The following DNAH5 variants were observed in gnomAD, a reference collection of about 807,000 sequenced individuals.
DNAH5 encodes dynein axonemal heavy chain 5.
DNAH5 carries 372 observed loss-of-function variants against 518.2 expected under a neutral mutation model. The observed-to-expected ratio is 0.72, with a 90% CI of 0.66 to 0.78. DNAH5 has a LOEUF of 0.78. Ranked by LOEUF, DNAH5 falls within the 30% of genes least tolerant of loss-of-function variation. DNAH5 has a pLI of 0.00. For synonymous variants in DNAH5, 2,039 were observed against 2,025.9 expected (o/e 1.01, Z -0.17); for missense variants, 5,523 against 5,687.0 (o/e 0.97, Z 0.93).
At chr5:13,980,933 T>G (rs563707313) in intron 1 of DNAH5, among the ~76,000 whole-genome samples, 1 of 152,356 alleles carries the variant, frequency 6.6e-6, no homozygotes, top group Admixed American at 6.5e-5. Context: ...TGGAACTCCA[T>G]GTACCAGATA....
Position 13,775,768 on chromosome 5 carries a change from C to T in DNAH5, c.9373+671G>A, listed in dbSNP as rs141228864. On this transcript the variant is annotated intron_variant, in intron 55 of 78. Coordinates refer to ENST00000265104, the MANE Select transcript of DNAH5 (RefSeq NM_001369.3). ...TCCAGAATGCTTCCTCCGGCAACCC[C>T]CATCTACTTTTCACTGTTTTATCTA... Among the ~76,000 whole-genome samples, 224 of 152,194 alleles carry T rather than the reference C, an allele frequency of 1.5e-3. 1 individual carries two copies. Among genetic ancestry groups the T allele is most frequent in the African/African-American group, 4.8e-3 (201 of 41,528 alleles).
At chr5:13,791,051 G>A (rs958867432) in intron 50 of DNAH5, among the ~76,000 whole-genome samples, 1 of 151,864 alleles carries the variant, frequency 6.6e-6, no homozygotes, top group African/African-American at 2.4e-5. Flanking sequence ...AAACCTTCAC[G>A]TGTACCCCCA....
At chr5:13,841,196 A>G (rs1418388194) in intron 33 of DNAH5, 66 bp from the exon 34 acceptor site, 2 of 1,266,210 alleles carry the variant, frequency 1.6e-6, no homozygotes, top group Non-Finnish European at 2.3e-6. Context: ...TAGAAATACA[A>G]TGTGATCAAC....
At chr5:13,713,446 TATATATATATATATATATATAC>T (rs1195640553) in intron 75 of DNAH5, among the ~76,000 whole-genome samples, 8 of 126,066 alleles carry the variant, frequency 6.3e-5, no homozygotes, top group Admixed American at 2.4e-4. Context: ...TATATATATA[TATATATATATATATATATATAC>T]ACACACCGAT....
chr5:13,971,072 A>G (rs898915218), intron 1 of DNAH5, among the ~76,000 whole-genome samples: 1 of 151,530 alleles, frequency 6.6e-6, no homozygotes, highest in Admixed American at 6.6e-5. Context: ...GTTTTATTCT[A>G]TTGCTGAGAC....
At chr5:13,998,364 C>T (rs548330511) in intron 1 of DNAH5, among the ~76,000 whole-genome samples, 2 of 152,306 alleles carry the variant, frequency 1.3e-5, no homozygotes, top group East Asian at 3.9e-4. Flanking sequence ...TTCTTAAAGG[C>T]CCCACGTCTT....
At chr5:14,010,526 C>T (rs1192513949) in intron 1 of DNAH5, among the ~76,000 whole-genome samples, 4 of 152,042 alleles carry the variant, frequency 2.6e-5, no homozygotes, top group Non-Finnish European at 2.9e-5. Context: ...TTAGAAGTAA[C>T]AATGTCACCT....
At chr5:13,916,592 C>A in intron 8 of DNAH5, 137 bp from the exon 9 acceptor site, 1 of 446,666 alleles carries the variant, frequency 2.2e-6, no homozygotes. Context: ...TAATGCTTTA[C>A]ATGAAAATAA....
At chr5:13,822,910 G>A (rs1166796018) in intron 40 of DNAH5, among the ~76,000 whole-genome samples, 2 of 152,128 alleles carry the variant, frequency 1.3e-5, no homozygotes, top group African/African-American at 4.8e-5. Context: ...GCAAACACCA[G>A]GGCAGAAACA....
At chr5:13,716,320 A>G (rs1744273545) in intron 74 of DNAH5, among the ~76,000 whole-genome samples, 167 bp downstream of exon 74, 1 of 152,248 alleles carries the variant, frequency 6.6e-6, no homozygotes, top group Non-Finnish European at 1.5e-5. Flanking sequence ...AAACATTTTA[A>G]TCATCCATTG....
intron 65 of DNAH5, among the ~76,000 whole-genome samples, chr5:13,739,463 A>C (rs1748085990): frequency 6.6e-6 from 1 of 152,114 alleles, no homozygotes. Context: ...AGGCCTCCCC[A>C]GCCATGCAGA....
At chr5:13,992,949 A>T (rs1581132072) in intron 1 of DNAH5, among the ~76,000 whole-genome samples, 1 of 152,170 alleles carries the variant, frequency 6.6e-6, no homozygotes, top group Admixed American at 6.5e-5. Context: ...CAGATGCCTT[A>T]ATTAGTCCCA....
rs150040161 is a variant in DNAH5 at position 13,908,569 on chromosome 5, C to T, written c.1644+2817G>A. On this transcript the variant is annotated intron_variant, in intron 12 of 78. Transcript: ENST00000265104. ...GTCTGGGTTGTGGAATCTTCATACT[C>T]GTCTTCACATTAGTTTTGGGGTCTC... 2.6e-4 allele frequency among the ~76,000 whole-genome samples: 40 copies of T among 152,296 alleles called. No homozygotes were observed. The East Asian group carries it at 6.9e-3, about 26-fold the overall frequency.
chr5:13,896,569 T>C (rs1773943397), intron 15 of DNAH5: 8 of 152,238 alleles, frequency 5.3e-5, no homozygotes, highest in Admixed American at 5.2e-4. Context: ...CAGTGTTCAT[T>C]TTCTGTTTTA....
intron 78 of DNAH5, among the ~76,000 whole-genome samples, chr5:13,698,573 G>C (rs1039879103): frequency 1.1e-4 from 17 of 152,184 alleles, no homozygotes; most frequent in Non-Finnish European, 2.5e-4. Context: ...AAGGCCCACA[G>C]CACTATAACT....
rs764464244 is a variant in DNAH5 at position 13,944,451 on chromosome 5, T to C, written c.-13A>G. 3 of 1,611,966 alleles carry C rather than the reference T, an allele frequency of 1.9e-6. No homozygotes were observed. Among genetic ancestry groups the C allele is most frequent in the African/African-American group, 1.3e-5 (1 of 75,056 alleles). ...CAATCCTAAACATTGTAGCCGTGCA[T>C]GGACAGGCTGGAGTCAGCTCTTCCG... On this transcript the variant is annotated 5_prime_UTR_variant, in exon 1 of 79. An upstream start codon of the reference 5' UTR is lost. Transcript: ENST00000265104.
chr5:13,762,854 A>T lies in DNAH5; in HGVS notation c.10149T>A (p.Ser3383Arg). The change falls in exon 60 of 79, where the codon AGT becomes AGA. Residue 3383 changes from serine (S) to arginine (R), a missense_variant. This residue lies in a region of DNAH5 where 5,121 missense variants were observed against 5,223.3 expected (regional missense o/e 0.98). Coordinates refer to ENST00000265104, the MANE Select transcript of DNAH5 (RefSeq NM_001369.3). ...TATAGTCAGGCATTTCAAAGTAAGG[A>T]CTCAAAAATTCTATCACCTCTTCAT... Reference protein sequence around the residue: ...TINEEVIEFLSPYFEMPDYNI... With the variant: ...TINEEVIEFLRPYFEMPDYNI... 6.2e-7 allele frequency: 1 copy of T among 1,613,996 alleles called. No homozygotes were observed. The highest frequency in any genetic ancestry group is 8.5e-7 in the Non-Finnish European group (1 of 1,179,884).
At chr5:13,831,613 A>G (rs1763676965) in intron 35 of DNAH5, among the ~76,000 whole-genome samples, 1 of 152,180 alleles carries the variant, frequency 6.6e-6, no homozygotes, top group Non-Finnish European at 1.5e-5. Flanking sequence ...CAGGTTCTCA[A>G]TGTTACTGGA....
chr5:13,858,204 G>GTAGCA (rs1352128345), intron 30 of DNAH5, among the ~76,000 whole-genome samples: 2 of 152,162 alleles, frequency 1.3e-5, no homozygotes, highest in Admixed American at 1.3e-4. Context: ...TAAAGAAAAT[G>GTAGCA]TAGCACATAT....
Sources: gnomAD v4.1 joint callset for allele counts (sites outside exome capture counted in the v4.1 genomes callset) on GRCh38, gnomAD v4.1.1 for gene constraint, gnomAD v4.1.1 regional missense constraint, MANE v1.5 for transcripts, NCBI Gene and HGNC (gene_info 2026-07-23, HGNC 2026-07-21) for gene names.